SCIMP: variants seen among roughly 807,000 people sequenced by gnomAD.
SCIMP encodes SLP adaptor and CSK interacting membrane protein.
In SCIMP, 18 loss-of-function variants were observed where a neutral mutation model predicts 22.0. That is an observed-to-expected ratio of 0.82 (90% confidence interval 0.56 to 1.21). The LOEUF is 1.21. SCIMP is among the 50% of genes most tolerant of loss of function. SCIMP has a pLI of 0.00. For missense variants in SCIMP, 155 were observed against 171.2 expected (o/e 0.91, Z 0.53); for synonymous variants, 53 against 62.2 (o/e 0.85, Z 0.70).
At chr17:5,227,124 G>A (rs574361769) in intron 1 of SCIMP, among the ~76,000 whole-genome samples, 23 of 152,154 alleles carry the variant, frequency 1.5e-4, no homozygotes, top group East Asian at 1.4e-3. Context: ...GGACTACTGA[G>A]GGCTACTGAA....
chr17:5,211,845 G>T, intron 4 of SCIMP, among the ~76,000 whole-genome samples: 1 of 151,878 alleles, frequency 6.6e-6, no homozygotes, highest in East Asian at 1.9e-4. Context: ...ATCACCTGAG[G>T]TCGGGAGTTC....
chr17:5,215,622 C>G (rs1277537548), intron 3 of SCIMP, among the ~76,000 whole-genome samples: 3 of 151,848 alleles, frequency 2.0e-5, no homozygotes, highest in African/African-American at 7.3e-5. Flanking sequence ...TCAAAACAAA[C>G]AAATAAAAAA....
At chr17:5,218,540 A>G (rs949886503) in intron 3 of SCIMP, among the ~76,000 whole-genome samples, 1 of 152,096 alleles carries the variant, frequency 6.6e-6, no homozygotes, top group South Asian at 2.1e-4. Context: ...GGGTTTCACC[A>G]TGTTGGCCAG....
chr17:5,224,373 G>A (rs1266097284), intron 1 of SCIMP, among the ~76,000 whole-genome samples: 10 of 151,990 alleles, frequency 6.6e-5, no homozygotes, highest in Non-Finnish European at 1.0e-4. Context: ...TCCTGACCTC[G>A]TGATCTGCCT....
chr17:5,227,615 C>G (rs1453941155), intron 1 of SCIMP, among the ~76,000 whole-genome samples: 1 of 152,136 alleles, frequency 6.6e-6, no homozygotes, highest in African/African-American at 2.4e-5. Flanking sequence ...GAGCTCACAC[C>G]TAAGTTTCCA....
intron 4 of SCIMP, chr17:5,214,650 C>T (rs1451715983): frequency 1.6e-5 from 6 of 370,474 alleles, no homozygotes; most frequent in African/African-American, 8.5e-5. Flanking sequence ...ACCATCCTGG[C>T]TAACGCGGTG....
intron 3 of SCIMP, among the ~76,000 whole-genome samples, chr17:5,218,615 A>G (rs2074583130): frequency 6.6e-6 from 1 of 152,162 alleles, no homozygotes; most frequent in Admixed American, 6.5e-5. Context: ...CTGGGATTAC[A>G]GGTGTGAGCT....
chr17:5,229,839 ATCTCCTTTCTCCCCTCT>A (rs1459367116), intron 1 of SCIMP, among the ~76,000 whole-genome samples: 3 of 35,146 alleles, frequency 8.5e-5, no homozygotes, highest in Non-Finnish European at 1.8e-4. Context: ...CCCTTCCCCC[ATCTCCTTTCTCCCCTCT>A]TCTCCTTTCT....
At chr17:5,219,412 A>T (rs1597287097) in intron 3 of SCIMP, among the ~76,000 whole-genome samples, 3 of 152,226 alleles carry the variant, frequency 2.0e-5, no homozygotes, top group Admixed American at 2.0e-4. Flanking sequence ...GGATCACTTG[A>T]GGTCAGGAGT....
In SCIMP at chr17:5,225,193, G is replaced by A. The variant is rs191247200; in HGVS notation, c.22-1737C>T. 1.1e-4 allele frequency among the ~76,000 whole-genome samples: 17 copies of A among 152,254 alleles called. No individual in the cohort carries two copies. In the East Asian group the frequency reaches 2.7e-3, roughly 24 times the overall value. The stretch of plus-strand genomic sequence containing the variant: ...AAAACTGCATAACACGGCCAGGTGC[G>A]GTGGCTCACGCCTGTAATCCCAGCA... On this transcript the variant is annotated intron_variant, in intron 1 of 4. Transcript: ENST00000574081.
chr17:5,219,730 T>C (rs573516579), intron 3 of SCIMP, among the ~76,000 whole-genome samples: 1 of 152,310 alleles, frequency 6.6e-6, no homozygotes, highest in East Asian at 1.9e-4. Flanking sequence ...CTGTTTTTGT[T>C]TGCCTGGGGC....
intron 4 of SCIMP, 145 bp from the exon 5 acceptor site, chr17:5,211,100 C>T: frequency 7.5e-7 from 1 of 1,331,414 alleles, no homozygotes; most frequent in Non-Finnish European, 1.0e-6. Context: ...GAAATTTAGA[C>T]ACAGACCTGA....
intron 1 of SCIMP, among the ~76,000 whole-genome samples, chr17:5,229,818 C>G (rs1480176509): frequency 7.0e-6 from 1 of 143,622 alleles, no homozygotes; most frequent in Non-Finnish European, 1.5e-5. Flanking sequence ...GGAACAAGTT[C>G]CCCTCCCCTC....
At chr17:5,219,006 C>T (rs113252159) in intron 3 of SCIMP, among the ~76,000 whole-genome samples, 4,471 of 152,196 alleles carry the variant, frequency 0.029, 216 homozygotes, top group African/African-American at 0.1. Context: ...TCTCTAAACC[C>T]TTGGAATATT....
chr17:5,228,041 G>A (rs532717483), intron 1 of SCIMP, among the ~76,000 whole-genome samples: 36 of 152,210 alleles, frequency 2.4e-4, no homozygotes, highest in African/African-American at 8.7e-4. Flanking sequence ...GCATGGTGGT[G>A]TGCACCTGTA....
At chr17:5,220,432 CAAAAAAAAA>C (rs908309110) in intron 3 of SCIMP, among the ~76,000 whole-genome samples, 3 of 63,702 alleles carry the variant, frequency 4.7e-5, no homozygotes, top group Non-Finnish European at 9.6e-5. Context: ...ACCCCATCTC[CAAAAAAAAA>C]AAAAAAAAAA....
intron 2 of SCIMP, among the ~76,000 whole-genome samples, chr17:5,222,380 C>G (rs1437127949): frequency 5.3e-5 from 8 of 152,106 alleles, no homozygotes; most frequent in Non-Finnish European, 7.4e-5. Context: ...CGTGAGCCAC[C>G]GCGCCCGGCC....
At chr17:5,229,131 T>G (rs1292763975) in intron 1 of SCIMP, among the ~76,000 whole-genome samples, 1 of 152,132 alleles carries the variant, frequency 6.6e-6, no homozygotes, top group African/African-American at 2.4e-5. Context: ...TCCCCTTTGT[T>G]TCTCCCCATT....
intron 1 of SCIMP, among the ~76,000 whole-genome samples, chr17:5,228,378 T>C (rs1472082560): frequency 6.8e-6 from 1 of 147,652 alleles, no homozygotes; most frequent in Non-Finnish European, 1.5e-5. Context: ...GCACAGTGGC[T>C]CACACCTGTA....
Sources: gnomAD v4.1 joint callset for allele counts (sites outside exome capture counted in the v4.1 genomes callset) on GRCh38, gnomAD v4.1.1 for gene constraint, MANE v1.5 for transcripts, NCBI Gene and HGNC (gene_info 2026-07-23, HGNC 2026-07-21) for gene names.